SPG7: variants seen among roughly 807,000 people sequenced by gnomAD.
The protein encoded by SPG7 is SPG7 matrix AAA peptidase subunit, paraplegin.
Under a neutral mutation model 81.9 loss-of-function variants are expected in SPG7, and 103 were observed. That is an observed-to-expected ratio of 1.26 (90% CI 1.07 to 1.48). SPG7 has a LOEUF of 1.48. Among genes scored for constraint, SPG7 ranks in the 40% most tolerant of loss-of-function variants. The probability of loss-of-function intolerance (pLI) is 0.00; values close to 1 mark genes in which losing one functional copy is unlikely to be tolerated. For missense variants in SPG7, 1,241 were observed against 1,087.3 expected (o/e 1.14, Z -1.99); for synonymous variants, 534 against 444.2 (o/e 1.20, Z -2.54).
Position 89,531,995 on chromosome 16 carries a change from A to G in SPG7, c.1079A>G (p.Lys360Arg), listed in dbSNP as rs376803235. 6.2e-6 allele frequency: 10 copies of G among 1,613,870 alleles called. No homozygotes were observed. Among genetic ancestry groups the G allele is most frequent in the Non-Finnish European group, 8.5e-6 (10 of 1,180,000 alleles). ...PPGCGKTLLA[K>R]AVATEAQVPF... The stretch of plus-strand genomic sequence containing the variant: ...GGCTGTGGGAAGACGCTGCTGGCCA[A>G]GGCGGTGGCCACGGAGGCTCAGGTG... The change falls in exon 8 of 17, where the codon AAG becomes AGG. Residue 360 changes from lysine to arginine, a missense_variant. Transcript: ENST00000645818.
chr16:89,509,786 C>CTTTTTTTTTTTTTT (rs34140158), intron 1 of SPG7, among the ~76,000 whole-genome samples: 1 of 95,130 alleles, frequency 1.1e-5, no homozygotes, highest in Non-Finnish European at 2.0e-5. Context: ...TTGTTTTCTT[C>CTTTTTTTTTTTTTT]TTTTTTTTTT....
chr16:89,544,819 C>T (rs1479940555), intron 10 of SPG7, 47 bp downstream of exon 10: 2 of 1,611,540 alleles, frequency 1.2e-6, no homozygotes, highest in Non-Finnish European at 1.7e-6. Flanking sequence ...GGGCCGCCCC[C>T]ACTCGCTCTG....
At chr16:89,548,756 T>G (rs1597659328) in intron 12 of SPG7, 1 of 351,768 alleles carries the variant, frequency 2.8e-6, no homozygotes, top group Admixed American at 3.6e-5. Flanking sequence ...CTGCTGGAGG[T>G]TTCCATAGCT....
In SPG7 at chr16:89,526,470, T is replaced by C; in HGVS notation, c.758+2T>C. On this transcript the variant is annotated splice_donor_variant, in intron 5 of 16. Transcript: ENST00000645818. LOFTEE classifies it high-confidence loss of function. Reference sequence around the variant, plus strand: ...CAAGCGAACAGGATTCTTTGGAAAGTATGTTGGATGTATTTGTTGATGCTT... The same window carrying C: ...CAAGCGAACAGGATTCTTTGGAAAGCATGTTGGATGTATTTGTTGATGCTT... 1 of 1,614,114 alleles carries C rather than the reference T, an allele frequency of 6.2e-7. No homozygotes were observed. Among genetic ancestry groups the C allele is most frequent in the Non-Finnish European group, 8.5e-7 (1 of 1,180,018 alleles).
intron 10 of SPG7, 157 bp downstream of exon 10, chr16:89,544,929 GC>G: frequency 5.8e-6 from 5 of 857,792 alleles, no homozygotes; most frequent in Non-Finnish European, 9.3e-6. Flanking sequence ...TCGGCTGCAC[GC>G]CCCCAGCAGA....
intron 3 of SPG7, chr16:89,514,308 C>CTTTT (rs148270097): frequency 2.7e-4 from 13 of 48,442 alleles, no homozygotes; most frequent in African/African-American, 2.7e-4. Context: ...TGTCCTTTGA[C>CTTTT]TTTTTTTTTT....
chr16:89,554,443 A>G (rs1350399690), intron 15 of SPG7, 43 bp from the exon 16 acceptor site: 6 of 1,387,948 alleles, frequency 4.3e-6, no homozygotes, highest in Non-Finnish European at 6.1e-6. Context: ...TGCTGGAGCC[A>G]GGCGGCCAGC....
chr16:89,537,131 G>A, intron 9 of SPG7: 1 of 1,469,762 alleles, frequency 6.8e-7, no homozygotes, highest in Non-Finnish European at 9.0e-7. Context: ...CCCTGCCGAG[G>A]TCCCAGGCCA....
chr16:89,536,978 A>G lies in SPG7; in HGVS notation c.1324+4342A>G, dbSNP rs549478219. The stretch of plus-strand genomic sequence containing the variant: ...GCGTATATCAAACGATCTTCTCCAC[A>G]TAACCTCTCTGTGCCATCATAAGAA... On this transcript the variant is annotated intron_variant, in intron 9 of 16. Transcript: ENST00000645818. The G allele has an allele frequency of 3.6e-5, 58 of 1,613,878 alleles. No homozygotes were observed. The South Asian group carries it at 4.7e-4, about 13-fold the overall frequency.
intron 10 of SPG7, chr16:89,545,370 AG>A (rs1400415905): frequency 5.0e-6 from 1 of 201,476 alleles, no homozygotes; most frequent in African/African-American, 2.3e-5. Flanking sequence ...GTTTGGAGAG[AG>A]GGCCTCCGGG....
intron 9 of SPG7, among the ~76,000 whole-genome samples, chr16:89,536,284 C>G (rs1275293653): frequency 4.6e-5 from 6 of 131,810 alleles, no homozygotes; most frequent in Non-Finnish European, 1.7e-5. Context: ...TTCAGTGTGG[C>G]CTCTCTGGTG....
At chr16:89,532,408 G>A in intron 8 of SPG7, 55 bp from the exon 9 acceptor site, 3 of 1,592,314 alleles carry the variant, frequency 1.9e-6, no homozygotes, top group South Asian at 2.2e-5. Flanking sequence ...GGTACAGGAA[G>A]AGGCTTTGTT....
rs770691722 is a variant in SPG7, at chr16:89,550,457, G to A, written c.1664-37G>A. On this transcript the variant is annotated intron_variant, in intron 12 of 16. Coordinates refer to ENST00000645818, the MANE Select transcript of SPG7 (RefSeq NM_003119.4). ...CACAGCGCTGGGATTACAGGCGTGA[G>A]CCACCGCGCCCAACTCATACCCCGG... The A allele has an allele frequency of 5.4e-6, 8 of 1,474,406 alleles. No homozygotes were observed. In the South Asian group the frequency reaches 7.9e-5, roughly 15 times the overall value. The allele number at this position is 1,474,406 out of a possible 1,614,324, so 91.3% of individuals were successfully genotyped here.
chr16:89,547,028 G>A, intron 11 of SPG7: 2 of 442,710 alleles, frequency 4.5e-6, no homozygotes, highest in Non-Finnish European at 8.5e-6. Context: ...GAGTTATGTT[G>A]CTTCCACACA....
At chr16:89,549,987 G>C in intron 12 of SPG7, 1 of 217,300 alleles carries the variant, frequency 4.6e-6, no homozygotes, top group Admixed American at 5.2e-5. Flanking sequence ...ATTTATAAAA[G>C]AAGAAATCAC....
intron 3 of SPG7, among the ~76,000 whole-genome samples, chr16:89,513,679 C>G (rs545558115): frequency 1.5e-3 from 235 of 152,228 alleles, no homozygotes; most frequent in Non-Finnish European, 9.7e-4. Context: ...GACTCACAGC[C>G]CCAGGGGGCA....
intron 3 of SPG7, chr16:89,518,984 A>G (rs954289095): frequency 2.6e-5 from 4 of 151,434 alleles, no homozygotes; most frequent in African/African-American, 9.7e-5. Context: ...ATTTATTTTT[A>G]TTTATTTATT....
intron 5 of SPG7, chr16:89,529,255 A>G (rs1330527894): frequency 8.3e-6 from 5 of 601,340 alleles, no homozygotes; most frequent in South Asian, 1.9e-5. Flanking sequence ...GCATCTGCAC[A>G]CTCAGTCTGA....
At chr16:89,546,312 C>G (rs2058562589) in intron 10 of SPG7, 1 of 339,904 alleles carries the variant, frequency 2.9e-6, no homozygotes, top group South Asian at 2.3e-5. Context: ...CCACTTCAGC[C>G]TCCCAAAGTG....
Sources: gnomAD v4.1 joint callset for allele counts (sites outside exome capture counted in the v4.1 genomes callset) on GRCh38, gnomAD v4.1.1 for gene constraint, MANE v1.5 for transcripts, NCBI Gene and HGNC (gene_info 2026-07-23, HGNC 2026-07-21) for gene names.